Variants in ADAT2 observed in about 807,000 individuals in gnomAD.
The protein encoded by ADAT2 is adenosine deaminase tRNA specific 2.
A neutral mutation model predicts 25.9 loss-of-function variants in ADAT2; 26 were observed. The observed-to-expected ratio is 1.00, with a 90% CI of 0.74 to 1.39. The LOEUF (loss-of-function observed/expected upper bound fraction) is 1.39, where lower values mean the gene tolerates loss of function less well. Among genes scored for constraint, ADAT2 ranks in the 40% most tolerant of loss-of-function variants. The probability of loss-of-function intolerance (pLI) is 0.00; values close to 1 mark genes in which losing one functional copy is unlikely to be tolerated. For synonymous variants in ADAT2, 76 were observed against 86.8 expected, an observed-to-expected ratio of 0.88 and a Z score of 0.69; for missense variants, 220 against 244.8, an observed-to-expected ratio of 0.90 and a Z score of 0.68.
Position 143,442,985 on chromosome 6 carries a change from C to T in ADAT2, c.97-4291G>A, listed in dbSNP as rs923953809. On this transcript the variant is annotated intron_variant, in intron 1 of 5. Coordinates refer to ENST00000237283, the MANE Select transcript of ADAT2 (RefSeq NM_182503.3). The surrounding 1 kb of genome is among the most constrained non-coding windows in gnomAD (Gnocchi z 4.6). The stretch of plus-strand genomic sequence containing the variant: ...GAGAGGTAATGTTTTGTCTGCATCT[C>T]GAGTATTCTGGTTCTGAGAGCTTGA... Among the ~76,000 whole-genome samples the T allele has an allele frequency of 6.6e-6, 1 of 152,164 alleles. No individual in the cohort carries two copies.
At chr6:143,431,806 T>A (rs993104019) in intron 4 of ADAT2, among the ~76,000 whole-genome samples, 1 of 152,176 alleles carries the variant, frequency 6.6e-6, no homozygotes, top group African/African-American at 2.4e-5. Context: ...TAACCTTACA[T>A]CTTGGAGAGA....
intron 1 of ADAT2, among the ~76,000 whole-genome samples, chr6:143,445,700 A>G (rs1041743323): frequency 1.3e-5 from 2 of 152,156 alleles, no homozygotes; most frequent in African/African-American, 2.4e-5. Context: ...CATCAATTAA[A>G]CAGTATGTTC....
rs1358022848 is a variant in ADAT2 at position 143,446,909 on chromosome 6, C to T, written c.96+3654G>A. On this transcript the variant is annotated intron_variant, in intron 1 of 5. Coordinates refer to ENST00000237283, the MANE Select transcript of ADAT2 (RefSeq NM_182503.3). The surrounding 1 kb of genome is among the most constrained non-coding windows in gnomAD (Gnocchi z 5.0). ...TGCATAGCATAGTATCTGGAACACA[C>T]CAAGAGTGCAACACTATTACTTAGT... 2.6e-5 allele frequency among the ~76,000 whole-genome samples: 4 copies of T among 152,122 alleles called. No individual in the cohort carries two copies. The highest frequency in any genetic ancestry group is 4.4e-5 in the Non-Finnish European group (3 of 68,012).
At position 143,437,127 on chromosome 6, in the gene ADAT2, T is replaced by A. The variant is rs1193848965; in HGVS notation, c.201+1463A>T. On this transcript the variant is annotated intron_variant, in intron 2 of 5. Transcript: ENST00000237283. This position sits in a 1 kb window ranked among gnomAD's most constrained non-coding sequence, Gnocchi z 4.1. ...CAGATTTTCTATGCAGTGAACATGG[T>A]TATATATAAATCTGAATTGTCCAAC... is the stretch of plus-strand genomic sequence containing the variant. Among the ~76,000 whole-genome samples, 1 of 152,178 alleles carries A rather than the reference T, an allele frequency of 6.6e-6. No individual in the cohort carries two copies. Among genetic ancestry groups the A allele is most frequent in the Non-Finnish European group, 1.5e-5 (1 of 68,026 alleles).
At chr6:143,439,360 AAAAG>A (rs1456987602) in intron 1 of ADAT2, among the ~76,000 whole-genome samples, 227 of 151,514 alleles carry the variant, frequency 1.5e-3, no homozygotes, top group African/African-American at 5.1e-3. Flanking sequence ...AAAAAAAAAA[AAAAG>A]AAGAAGAAAG....
Position 143,428,870 on chromosome 6 carries a change from TACTCCCAATCAACTGTTATTAGGCATC to T in ADAT2, c.460-213_460-187del, listed in dbSNP as rs1433819461. ...ATGTTTGATATATCATCTTTTTCAT[TACTCCCAATCAACTGTTATTAGGCATC>T]ACTCCCAATCAACTGTTATTCATCC... is the stretch of plus-strand genomic sequence containing the variant. On this transcript the variant is annotated intron_variant, in intron 4 of 5. Coordinates refer to ENST00000237283, the MANE Select transcript of ADAT2 (RefSeq NM_182503.3). This position sits in a 1 kb window ranked among gnomAD's most constrained non-coding sequence, Gnocchi z 5.0. Among the ~76,000 whole-genome samples the T allele has an allele frequency of 5.9e-5, 9 of 152,224 alleles. No homozygotes were observed. The highest frequency in any genetic ancestry group is 1.9e-4 in the African/African-American group (8 of 41,448).
chr6:143,444,794 G>T lies in ADAT2; in HGVS notation c.96+5769C>A. On this transcript the variant is annotated intron_variant, in intron 1 of 5. Coordinates refer to ENST00000237283, the MANE Select transcript of ADAT2 (RefSeq NM_182503.3). This position sits in a 1 kb window ranked among gnomAD's most constrained non-coding sequence, Gnocchi z 4.3. ...AATTTCTTTTTTTTCTCTAGTCAGG[G>T]CCTGCCCAGATACAGATAATGAAAG... 1 of 442,122 alleles carries T rather than the reference G, an allele frequency of 2.3e-6. No homozygotes were observed. Among genetic ancestry groups the T allele is most frequent in the Non-Finnish European group, 3.4e-6 (1 of 291,032 alleles). The allele number at this position is 442,122 out of a possible 1,614,324, so 27.4% of individuals were successfully genotyped here.
At chr6:143,429,275 G>A (rs1779038645) in intron 4 of ADAT2, among the ~76,000 whole-genome samples, 2 of 152,310 alleles carry the variant, frequency 1.3e-5, no homozygotes, top group East Asian at 1.9e-4. Flanking sequence ...AGGTGACAGA[G>A]ATGTAAGCGG....
chr6:143,444,859 C>A lies in ADAT2; in HGVS notation c.96+5704G>T. The A allele has an allele frequency of 8.8e-7, 1 of 1,131,204 alleles. No individual in the cohort carries two copies. The highest frequency in any genetic ancestry group is 1.5e-5 in the South Asian group (1 of 67,634). 70.1% of individuals were successfully genotyped at this position (1,131,204 alleles called of 1,614,324 possible). A position where few individuals can be genotyped will look rare whatever the true frequency, so the allele number is the denominator to read the frequency against. On this transcript the variant is annotated intron_variant, in intron 1 of 5. Coordinates refer to ENST00000237283, the MANE Select transcript of ADAT2 (RefSeq NM_182503.3). This position sits in a 1 kb window ranked among gnomAD's most constrained non-coding sequence, Gnocchi z 4.3. The stretch of plus-strand genomic sequence containing the variant: ...AGACTTCGTAGTTTATTATTTTCTC[C>A]AAAGACATTACTACTATAAACTGCT...
In ADAT2 at chr6:143,423,788, G is replaced by C. The variant is rs1778849133; in HGVS notation, c.*4675C>G. 1 of 152,110 alleles carries C rather than the reference G, an allele frequency of 6.6e-6. No homozygotes were observed. The highest frequency in any genetic ancestry group is 1.5e-5 in the Non-Finnish European group (1 of 68,024). The allele number at this position is 152,110 out of a possible 1,614,324, so 9.4% of individuals were successfully genotyped here. A position where few individuals can be genotyped will look rare whatever the true frequency, so the allele number is the denominator to read the frequency against. ...CAAGGACTTACACATCAAAAGTAGGGGATGAGAAATTTCATAGATATTGGG... is the reference window on the plus strand; with the variant it reads ...CAAGGACTTACACATCAAAAGTAGGCGATGAGAAATTTCATAGATATTGGG... On this transcript the variant is annotated 3_prime_UTR_variant, in exon 6 of 6. Transcript: ENST00000237283.
rs1311792316 is a variant in ADAT2 at position 143,437,197 on chromosome 6, A to G, written c.201+1393T>C. Among the ~76,000 whole-genome samples the G allele has an allele frequency of 1.3e-5, 2 of 152,216 alleles. No homozygotes were observed. The highest frequency in any genetic ancestry group is 2.4e-5 in the African/African-American group (1 of 41,466). ...CTATTGATTGGAACTGCTAGGGCGAAGTATATGCAAAATCTACATTTTGAG... is the reference window on the plus strand; with the variant it reads ...CTATTGATTGGAACTGCTAGGGCGAGGTATATGCAAAATCTACATTTTGAG... On this transcript the variant is annotated intron_variant, in intron 2 of 5. Coordinates refer to ENST00000237283, the MANE Select transcript of ADAT2 (RefSeq NM_182503.3). This position sits in a 1 kb window ranked among gnomAD's most constrained non-coding sequence, Gnocchi z 4.1.
In ADAT2 at chr6:143,450,168, T is replaced by C. The variant is rs1779722244; in HGVS notation, c.96+395A>G. Among the ~76,000 whole-genome samples the C allele has an allele frequency of 2.0e-5, 3 of 152,058 alleles. No individual in the cohort carries two copies. In the South Asian group the frequency reaches 6.2e-4, roughly 31 times the overall value. ...GTACAGGGACTTGTTTCCATACTGC[T>C]CTCTACCAGAAACGTTCTCAGTTTC... On this transcript the variant is annotated intron_variant, in intron 1 of 5. Transcript: ENST00000237283.
chr6:143,436,574 AG>A lies in ADAT2; in HGVS notation c.201+2015del. 1 of 412,144 alleles carries A rather than the reference AG, an allele frequency of 2.4e-6. No homozygotes were observed. The highest frequency in any genetic ancestry group is 2.1e-5 in the South Asian group (1 of 48,770). 25.5% of individuals were successfully genotyped at this position (412,144 alleles called of 1,614,324 possible). The stretch of plus-strand genomic sequence containing the variant: ...GCCTTCCTGCACTGGTACATGGGCG[AG>A]GGCAAGAATGAGATGGAATTCACTG... On this transcript the variant is annotated intron_variant, in intron 2 of 5. Coordinates refer to ENST00000237283, the MANE Select transcript of ADAT2 (RefSeq NM_182503.3). The surrounding 1 kb of genome is among the most constrained non-coding windows in gnomAD (Gnocchi z 4.1).
rs1244214220 is a variant in ADAT2, at chr6:143,444,707, T to C, written c.96+5856A>G. 1 of 167,094 alleles carries C rather than the reference T, an allele frequency of 6.0e-6. No individual in the cohort carries two copies. Among genetic ancestry groups the C allele is most frequent in the African/African-American group, 2.4e-5 (1 of 41,666 alleles). 10.4% of individuals were successfully genotyped at this position (167,094 alleles called of 1,614,324 possible). On this transcript the variant is annotated intron_variant, in intron 1 of 5. Coordinates refer to ENST00000237283, the MANE Select transcript of ADAT2 (RefSeq NM_182503.3). This position sits in a 1 kb window ranked among gnomAD's most constrained non-coding sequence, Gnocchi z 4.3. ...GTAACAAATGATCAACCTTCAAAATTAAAGAATAAAATCTCTGTTCTTCCC... is the reference window on the plus strand; with the variant it reads ...GTAACAAATGATCAACCTTCAAAATCAAAGAATAAAATCTCTGTTCTTCCC...
rs1026097716 is a variant in ADAT2 at position 143,426,235 on chromosome 6, C to T, written c.*2228G>A. 2.0e-5 allele frequency: 3 copies of T among 152,126 alleles called. No individual in the cohort carries two copies. Among genetic ancestry groups the T allele is most frequent in the African/African-American group, 7.2e-5 (3 of 41,430 alleles). 9.4% of individuals were successfully genotyped at this position (152,126 alleles called of 1,614,324 possible). ...ACTAGGACATCTTAATATTTTAACC[C>T]GTGTCTAAGTAGCTGGGGAATGTGG... On this transcript the variant is annotated 3_prime_UTR_variant, in exon 6 of 6. Coordinates refer to ENST00000237283, the MANE Select transcript of ADAT2 (RefSeq NM_182503.3). This position sits in a 1 kb window ranked among gnomAD's most constrained non-coding sequence, Gnocchi z 4.1.
rs1235707613 is a variant in ADAT2 at position 143,440,669 on chromosome 6, G to A, written c.97-1975C>T. Among the ~76,000 whole-genome samples the A allele has an allele frequency of 1.3e-5, 2 of 152,184 alleles. No homozygotes were observed. Among genetic ancestry groups the A allele is most frequent in the African/African-American group, 2.4e-5 (1 of 41,444 alleles). On this transcript the variant is annotated intron_variant, in intron 1 of 5. Transcript: ENST00000237283. This position sits in a 1 kb window ranked among gnomAD's most constrained non-coding sequence, Gnocchi z 4.5. ...TATGCAAGTTCAAAAGGCTTGAAGA[G>A]TCCCGAGGTTTGGTTAATATAGACA...
chr6:143,446,974 C>A lies in ADAT2; in HGVS notation c.96+3589G>T, dbSNP rs1238304823. Among the ~76,000 whole-genome samples, 1 of 152,110 alleles carries A rather than the reference C, an allele frequency of 6.6e-6. No homozygotes were observed. Among genetic ancestry groups the A allele is most frequent in the Non-Finnish European group, 1.5e-5 (1 of 68,032 alleles). On this transcript the variant is annotated intron_variant, in intron 1 of 5. Transcript: ENST00000237283. This position sits in a 1 kb window ranked among gnomAD's most constrained non-coding sequence, Gnocchi z 5.0. ...CCAAGCCTATCTTTAGAATGTTATG[C>A]TGAACATGTTATGATGATTAAAATG...
intron 1 of ADAT2, among the ~76,000 whole-genome samples, chr6:143,447,859 C>T (rs1779641476): frequency 6.6e-6 from 1 of 152,078 alleles, no homozygotes; most frequent in Non-Finnish European, 1.5e-5. Flanking sequence ...GGATCTAAAA[C>T]TAGAAATGCC....
rs371690497 is a variant in ADAT2, at chr6:143,438,635, A to G, written c.156T>C (p.Asn52=). Residue 52 remains asparagine (N), a synonymous_variant, in exon 2 of 6, where the codon AAT becomes AAC. Transcript: ENST00000237283. ...VPVGCLMVYN[N]EVVGKGRNEV... ...CATTTCTCCCCTTCCCTACAACTTC[A>G]TTGTTGTAGACCATAAGACAGCCAA... 7.4e-6 allele frequency: 12 copies of G among 1,613,316 alleles called. No individual in the cohort carries two copies. The highest frequency in any genetic ancestry group is 9.3e-6 in the Non-Finnish European group (11 of 1,179,512).
Sources: gnomAD v4.1 joint callset for allele counts (sites outside exome capture counted in the v4.1 genomes callset) on GRCh38, gnomAD v4.1.1 for gene constraint, Gnocchi (gnomAD v3.1) non-coding constraint, MANE v1.5 for transcripts, NCBI Gene and HGNC (gene_info 2026-07-23, HGNC 2026-07-21) for gene names.